The following CRISPLD2 variants were observed in gnomAD, a reference collection of about 807,000 sequenced individuals.
CRISPLD2 encodes the protein cysteine rich secretory protein LCCL domain containing 2, also known as cysteine-rich secretory protein LCCL domain-containing 2.
Under a neutral mutation model 71.1 loss-of-function variants are expected in CRISPLD2, and 47 were observed. That is an observed-to-expected ratio of 0.66 (90% CI 0.52 to 0.84). CRISPLD2 has a LOEUF of 0.84. Among genes scored for constraint, CRISPLD2 ranks in the 40% least tolerant of loss-of-function variants. The pLI, the probability that CRISPLD2 is intolerant of heterozygous loss-of-function variation, is 0.00. For missense variants in CRISPLD2, 830 were observed against 651.1 expected (o/e 1.27, Z -2.99); for synonymous variants, 317 against 250.1 (o/e 1.27, Z -2.52).
intron 14 of CRISPLD2, among the ~76,000 whole-genome samples, chr16:84,905,520 C>G (rs1414987113): frequency 7.2e-5 from 11 of 151,886 alleles, no homozygotes; most frequent in Admixed American, 5.9e-4. Flanking sequence ...CTGCCTCAAC[C>G]TTCAACTAGC....
intron 6 of CRISPLD2, among the ~76,000 whole-genome samples, chr16:84,860,679 T>C (rs1917354946): frequency 6.6e-6 from 1 of 152,186 alleles, no homozygotes; most frequent in Non-Finnish European, 1.5e-5. Flanking sequence ...ATTTACAAGC[T>C]CAGTGTCCCT....
intron 8 of CRISPLD2, among the ~76,000 whole-genome samples, chr16:84,870,909 T>G (rs1490574702): frequency 6.6e-6 from 1 of 151,534 alleles, no homozygotes; most frequent in Non-Finnish European, 1.5e-5. Context: ...AATACAAAAA[T>G]TAGCTGGACA....
intron 14 of CRISPLD2, among the ~76,000 whole-genome samples, chr16:84,898,166 A>G (rs2071722981): frequency 6.6e-6 from 1 of 152,110 alleles, no homozygotes; most frequent in South Asian, 2.1e-4. Context: ...TTTCTTGCCG[A>G]TTTATTTAGG....
intron 14 of CRISPLD2, among the ~76,000 whole-genome samples, chr16:84,902,646 C>G (rs759037154): frequency 6.6e-6 from 1 of 151,792 alleles, no homozygotes; most frequent in Non-Finnish European, 1.5e-5. Flanking sequence ...GATGGGTCGT[C>G]CCAGTTACTT....
At chr16:84,901,787 C>CTT (rs760025598) in intron 14 of CRISPLD2, among the ~76,000 whole-genome samples, 73 of 87,828 alleles carry the variant, frequency 8.3e-4, no homozygotes, top group East Asian at 1.7e-3. Context: ...ACTGGTTGCA[C>CTT]TTTTTTTTTT....
intron 6 of CRISPLD2, among the ~76,000 whole-genome samples, chr16:84,855,396 G>A (rs1296277633): frequency 6.6e-6 from 1 of 152,206 alleles, no homozygotes; most frequent in African/African-American, 2.4e-5. Flanking sequence ...TCTGGAGGTG[G>A]AACAACTTCA....
chr16:84,905,445 G>C (rs945586756), intron 14 of CRISPLD2, among the ~76,000 whole-genome samples: 3 of 151,994 alleles, frequency 2.0e-5, no homozygotes, highest in African/African-American at 7.3e-5. Context: ...TCTTGCCCAG[G>C]CTGGAGTGCA....
intron 14 of CRISPLD2, among the ~76,000 whole-genome samples, chr16:84,902,272 G>A (rs865788472): frequency 3.9e-5 from 6 of 152,068 alleles, no homozygotes; most frequent in African/African-American, 7.2e-5. Context: ...ACTGAGCAGC[G>A]AGGGGAGGTT....
intron 1 of CRISPLD2, among the ~76,000 whole-genome samples, chr16:84,824,099 C>A (rs184476290): frequency 3.3e-5 from 5 of 151,950 alleles, no homozygotes; most frequent in Admixed American, 3.3e-4. Flanking sequence ...CAGGGTTTTG[C>A]GAGCAGGGGA....
At position 84,904,194 on chromosome 16, in the gene CRISPLD2, G is replaced by A. The variant is rs941359596; in HGVS notation, c.1440-2394G>A. 3.9e-4 allele frequency among the ~76,000 whole-genome samples: 60 copies of A among 152,214 alleles called. 1 individual carries two copies. The highest frequency in any genetic ancestry group is 2.9e-3 in the Admixed American group (44 of 15,274). ...GTGCCCACAGCAAGAGGAGCAAAGCGGGAGGGGGCACTTAGGCTTCCCAAT... is the reference window on the plus strand; with the variant it reads ...GTGCCCACAGCAAGAGGAGCAAAGCAGGAGGGGGCACTTAGGCTTCCCAAT... On this transcript the variant is annotated intron_variant, in intron 14 of 14. Coordinates refer to ENST00000262424, the MANE Select transcript of CRISPLD2 (RefSeq NM_031476.4).
intron 1 of CRISPLD2, among the ~76,000 whole-genome samples, chr16:84,837,697 G>C (rs535648546): frequency 1.3e-5 from 2 of 152,204 alleles, no homozygotes; most frequent in African/African-American, 4.8e-5. Flanking sequence ...GATTACAGGC[G>C]TGAGCCACCG....
intron 13 of CRISPLD2, among the ~76,000 whole-genome samples, chr16:84,884,018 T>C (rs916609704): frequency 5.3e-4 from 81 of 152,166 alleles, no homozygotes; most frequent in African/African-American, 1.9e-3. Context: ...CTAATCTTTG[T>C]ATTTTTAGTA....
Position 84,873,076 on chromosome 16 carries a change from G to C in CRISPLD2, c.1066G>C (p.Val356Leu), listed in dbSNP as rs776789199. 1 of 1,613,964 alleles carries C rather than the reference G, an allele frequency of 6.2e-7. No individual in the cohort carries two copies. The highest frequency in any genetic ancestry group is 1.1e-5 in the South Asian group (1 of 91,046). The change falls in exon 10 of 15, where the codon GTC becomes CTC. Residue 356 changes from valine (V) to leucine (L), a missense_variant. Val to Leu is a conservative substitution (Grantham distance 32). Coordinates refer to ENST00000262424, the MANE Select transcript of CRISPLD2 (RefSeq NM_031476.4). ...GLVDITRNGK[V>L]PFFVKSERHG... is the part of the protein sequence containing the mutation. The stretch of plus-strand genomic sequence containing the variant: ...GGTGGATATCACCAGGAACGGGAAG[G>C]TCCCCTTCTTCGTGAAGTCTGAGAG...
chr16:84,827,512 T>C (rs1916382456), intron 1 of CRISPLD2, among the ~76,000 whole-genome samples: 1 of 151,694 alleles, frequency 6.6e-6, no homozygotes, highest in African/African-American at 2.4e-5. Context: ...CTGTGACCCC[T>C]TCTGAGCCTT....
intron 13 of CRISPLD2, among the ~76,000 whole-genome samples, chr16:84,886,824 A>C (rs1448038352): frequency 6.6e-6 from 1 of 152,208 alleles, no homozygotes; most frequent in Non-Finnish European, 1.5e-5. Context: ...CCCGACAAAA[A>C]AATACATAAC....
At chr16:84,849,051 T>C (rs1597456651) in intron 3 of CRISPLD2, among the ~76,000 whole-genome samples, 1 of 146,374 alleles carries the variant, frequency 6.8e-6, no homozygotes, top group South Asian at 2.2e-4. Context: ...CACGTGCAGG[T>C]GGTGTATGAG....
chr16:84,838,616 A>G lies in CRISPLD2; in HGVS notation c.121A>G (p.Asn41Asp). 2 of 1,614,228 alleles carry G rather than the reference A, an allele frequency of 1.2e-6. No homozygotes were observed. The highest frequency in any genetic ancestry group is 1.7e-6 in the Non-Finnish European group (2 of 1,180,034). Residue 41 changes from asparagine (N) to aspartate (D), a missense_variant, in exon 2 of 15, where the codon AAC becomes GAC. By Grantham distance (23) the Asn-to-Asp change is conservative (BLOSUM62 1). Transcript: ENST00000262424. ...GGAGCTGCTCAGCAAATACCAGCAC[A>G]ACGAGTCTCACTCCCGGGTCCGCAG... is the stretch of plus-strand genomic sequence containing the variant. Reference protein sequence around the residue: ...LEELLSKYQHNESHSRVRRAI... With the variant: ...LEELLSKYQHDESHSRVRRAI...
chr16:84,856,274 C>A (rs1051921321), intron 6 of CRISPLD2, among the ~76,000 whole-genome samples: 6 of 152,138 alleles, frequency 3.9e-5, no homozygotes, highest in African/African-American at 1.4e-4. Flanking sequence ...CTCCTGTATT[C>A]CACGCATACT....
At chr16:84,899,389 G>T (rs1193253762) in intron 14 of CRISPLD2, among the ~76,000 whole-genome samples, 3 of 152,118 alleles carry the variant, frequency 2.0e-5, no homozygotes, top group Non-Finnish European at 2.9e-5. Context: ...AAAGAAGGGC[G>T]GGAAGGGTAT....
Sources: allele counts gnomAD v4.1 joint callset (sites outside exome capture counted in the v4.1 genomes callset), GRCh38; gene constraint gnomAD v4.1.1; transcripts MANE v1.5; gene names NCBI Gene and HGNC (gene_info 2026-07-23, HGNC 2026-07-21).